The following SLIT3 variants were observed in gnomAD, a reference collection of about 807,000 sequenced individuals.
SLIT3 encodes the protein slit guidance ligand 3, also known as slit homolog 3 protein.
A neutral mutation model predicts 184.0 loss-of-function variants in SLIT3; 68 were observed. The observed-to-expected ratio is 0.37, with a 90% CI of 0.30 to 0.45. The LOEUF (loss-of-function observed/expected upper bound fraction) is 0.45. Among genes scored for constraint, SLIT3 ranks in the 20% least tolerant of loss-of-function variants. The pLI is 1.00. For synonymous variants in SLIT3, 831 were observed against 828.6 expected (o/e 1.00, Z -0.05); for missense variants, 1,707 against 2,026.0 (o/e 0.84, Z 3.02).
At chr5:168,915,276 G>A (rs1339943900) in intron 4 of SLIT3, among the ~76,000 whole-genome samples, 1 of 152,152 alleles carries the variant, frequency 6.6e-6, no homozygotes, top group African/African-American at 2.4e-5. Context: ...TCAGGCAACA[G>A]TCATCAATGA....
At chr5:169,079,979 C>T (rs545572440) in intron 4 of SLIT3, among the ~76,000 whole-genome samples, 23 of 150,394 alleles carry the variant, frequency 1.5e-4, no homozygotes, top group Non-Finnish European at 2.7e-4. Context: ...AGATTATGCA[C>T]GACACTTGTT....
chr5:169,020,109 G>A (rs1756542118), intron 4 of SLIT3, among the ~76,000 whole-genome samples: 1 of 151,204 alleles, frequency 6.6e-6, no homozygotes. Flanking sequence ...CATGGCAGAG[G>A]TGAGTGGTTA....
intron 20 of SLIT3, among the ~76,000 whole-genome samples, chr5:168,744,009 G>A (rs1581028564): frequency 6.6e-6 from 1 of 152,214 alleles, no homozygotes; most frequent in South Asian, 2.1e-4. Context: ...AAAGAAGCCG[G>A]CTGGGCGCAG....
chr5:169,072,315 A>T (rs1039547478), intron 4 of SLIT3, among the ~76,000 whole-genome samples: 1 of 152,184 alleles, frequency 6.6e-6, no homozygotes, highest in Non-Finnish European at 1.5e-5. Flanking sequence ...CTACTTTGTG[A>T]CCTTAGAGAA....
intron 4 of SLIT3, among the ~76,000 whole-genome samples, chr5:169,151,026 T>G (rs751013430): frequency 6.6e-6 from 1 of 152,072 alleles, no homozygotes; most frequent in Non-Finnish European, 1.5e-5. Flanking sequence ...AAGAAGGATC[T>G]AGTAGTGAGG....
At chr5:168,980,069 G>A (rs776563589) in intron 4 of SLIT3, among the ~76,000 whole-genome samples, 8 of 151,928 alleles carry the variant, frequency 5.3e-5, no homozygotes, top group African/African-American at 1.5e-4. Flanking sequence ...ACACAACTCC[G>A]AGGCCCCACA....
intron 4 of SLIT3, among the ~76,000 whole-genome samples, chr5:168,946,247 A>G (rs1762480530): frequency 6.6e-6 from 1 of 152,156 alleles, no homozygotes; most frequent in East Asian, 1.9e-4. Flanking sequence ...AGGGCCTGAG[A>G]GACCAAGGGA....
chr5:168,977,979 G>A (rs1291227613), intron 4 of SLIT3, among the ~76,000 whole-genome samples: 4 of 152,096 alleles, frequency 2.6e-5, no homozygotes, highest in African/African-American at 4.8e-5. Context: ...CTGTCCTCTC[G>A]CTCCCATTTC....
chr5:169,059,831 T>C (rs911248337), intron 4 of SLIT3, among the ~76,000 whole-genome samples: 1 of 152,138 alleles, frequency 6.6e-6, no homozygotes, highest in South Asian at 2.1e-4. Flanking sequence ...AATGTTTGAG[T>C]TCCCCTCAAA....
intron 4 of SLIT3, among the ~76,000 whole-genome samples, chr5:168,912,707 A>C (rs1761289943): frequency 6.6e-6 from 1 of 152,168 alleles, no homozygotes; most frequent in Non-Finnish European, 1.5e-5. Flanking sequence ...TCTATGATGT[A>C]TTTTATGCAT....
chr5:169,104,812 G>T (rs67928914), intron 4 of SLIT3, among the ~76,000 whole-genome samples: 13 of 152,156 alleles, frequency 8.5e-5, no homozygotes, highest in East Asian at 3.9e-4. Context: ...AACTCTCAGG[G>T]GGAGAAAAGA....
intron 4 of SLIT3, among the ~76,000 whole-genome samples, chr5:169,185,236 A>G (rs1256106232): frequency 6.6e-6 from 1 of 152,232 alleles, no homozygotes; most frequent in African/African-American, 2.4e-5. Context: ...TGCAGTGTTC[A>G]GCGTTTGGGG....
In SLIT3 at chr5:168,796,710, C is replaced by T. The variant is rs183343906; in HGVS notation, c.936-1132G>A. 4.4e-3 allele frequency among the ~76,000 whole-genome samples: 667 copies of T among 152,286 alleles called. 5 individuals are homozygous for T. Among genetic ancestry groups the T allele is most frequent in the South Asian group, 6.9e-3 (33 of 4,814 alleles). The stretch of plus-strand genomic sequence containing the variant: ...CCCATTCATCTTGAAGAGTAATCCC[C>T]GCTGTAGAGTGGGGGAGACAGTCGT... On this transcript the variant is annotated intron_variant, in intron 9 of 35. Transcript: ENST00000519560.
At chr5:169,000,150 T>A (rs757142890) in intron 4 of SLIT3, among the ~76,000 whole-genome samples, 26 of 152,114 alleles carry the variant, frequency 1.7e-4, no homozygotes, top group Admixed American at 3.3e-4. Flanking sequence ...TCCCAGCACT[T>A]TGGGAGGCTG....
chr5:168,669,173 C>T (rs1364259396), intron 35 of SLIT3, among the ~76,000 whole-genome samples: 1 of 152,226 alleles, frequency 6.6e-6, no homozygotes, highest in Non-Finnish European at 1.5e-5. Context: ...TCCCCTCCCT[C>T]ACTGAATGTA....
At chr5:168,933,819 G>A (rs987038846) in intron 4 of SLIT3, among the ~76,000 whole-genome samples, 1 of 152,204 alleles carries the variant, frequency 6.6e-6, no homozygotes, top group East Asian at 1.9e-4. Context: ...TAAAGGAAAA[G>A]AAGATCTTCA....
At chr5:169,288,068 A>C (rs1431304900) in intron 1 of SLIT3, among the ~76,000 whole-genome samples, 1 of 152,156 alleles carries the variant, frequency 6.6e-6, no homozygotes, top group Non-Finnish European at 1.5e-5. Context: ...AGAGAGAAAA[A>C]TAAAGATATT....
chr5:169,169,503 C>T (rs1012925596), intron 4 of SLIT3, among the ~76,000 whole-genome samples: 13 of 152,214 alleles, frequency 8.5e-5, no homozygotes, highest in Non-Finnish European at 1.6e-4. Flanking sequence ...TTTCTCCCAG[C>T]CTTTCCATGC....
At chr5:169,093,599 T>C (rs1759668282) in intron 4 of SLIT3, among the ~76,000 whole-genome samples, 1 of 152,198 alleles carries the variant, frequency 6.6e-6, no homozygotes, top group South Asian at 2.1e-4. Context: ...CCCCAACTTA[T>C]GGGAAGCAGA....
Sources: gnomAD v4.1 joint callset for allele counts (sites outside exome capture counted in the v4.1 genomes callset) on GRCh38, gnomAD v4.1.1 for gene constraint, MANE v1.5 for transcripts, NCBI Gene and HGNC (gene_info 2026-07-23, HGNC 2026-07-21) for gene names.